The following ADGRV1 variants were observed in gnomAD, a reference collection of about 807,000 sequenced individuals.
The protein encoded by ADGRV1 is G-protein coupled receptor 98.
ADGRV1 carries 359 observed loss-of-function variants against 596.2 expected under a neutral mutation model. The ratio of observed to expected loss-of-function variants is 0.60; its 90% CI spans 0.55 to 0.66. The LOEUF is 0.66. Among genes scored for constraint, ADGRV1 ranks in the 30% least tolerant of loss-of-function variants. The probability of loss-of-function intolerance (pLI) is 0.00; values close to 1 mark genes in which losing one functional copy is unlikely to be tolerated. For synonymous variants in ADGRV1, 2,681 were observed against 2,679.2 expected, an observed-to-expected ratio of 1.00 and a Z score of -0.02; for missense variants, 7,274 against 7,575.6, an observed-to-expected ratio of 0.96 and a Z score of 1.48.
chr5:90,957,041 C>CA (rs1197158310), intron 83 of ADGRV1, among the ~76,000 whole-genome samples: 2 of 151,766 alleles, frequency 1.3e-5, no homozygotes, highest in Non-Finnish European at 2.9e-5. Flanking sequence ...GCTATGTGGG[C>CA]ACAAGGTAAT....
At chr5:90,794,801 G>T (rs1760487950) in intron 70 of ADGRV1, among the ~76,000 whole-genome samples, 1 of 152,162 alleles carries the variant, frequency 6.6e-6, no homozygotes, top group Non-Finnish European at 1.5e-5. Context: ...CACTGGGACT[G>T]GTTGGACAGT....
At chr5:90,874,741 T>C (rs781727430) in intron 83 of ADGRV1, among the ~76,000 whole-genome samples, 16 of 151,550 alleles carry the variant, frequency 1.1e-4, no homozygotes, top group Admixed American at 3.3e-4. Context: ...ACCTGTAGTC[T>C]CAGCTTCTCG....
At position 90,647,736 on chromosome 5, in the gene ADGRV1, C is replaced by T. The variant is rs567989881; in HGVS notation, c.3261C>T (p.Pro1087=). The T allele has an allele frequency of 7.4e-6, 12 of 1,613,378 alleles. No individual in the cohort carries two copies. In the East Asian group the frequency reaches 2.7e-4, roughly 36 times the overall value. The change falls in exon 17 of 90, where the codon CCC becomes CCT. Residue 1087 remains proline (P), a synonymous_variant. Transcript: ENST00000405460. ...ATGGTATCCCGGAAACAGATGAGCC[C>T]TTTTATATAATCCTCTTGAATTCAA... ...NEDGIPETDE[P]FYIILLNSTG...
At chr5:90,559,246 G>C (rs888467543) in intron 1 of ADGRV1, among the ~76,000 whole-genome samples, 2 of 152,166 alleles carry the variant, frequency 1.3e-5, no homozygotes, top group African/African-American at 4.8e-5. Context: ...TTTTCTGCCT[G>C]TTTGAAACCG....
intron 85 of ADGRV1, among the ~76,000 whole-genome samples, chr5:91,008,140 A>T (rs1782433762): frequency 6.6e-6 from 1 of 152,186 alleles, no homozygotes; most frequent in Non-Finnish European, 1.5e-5. Flanking sequence ...TTAGGTCATA[A>T]TATTTATAAA....
chr5:90,867,497 G>A (rs1274447719), intron 83 of ADGRV1, among the ~76,000 whole-genome samples: 1 of 152,090 alleles, frequency 6.6e-6, no homozygotes, highest in Non-Finnish European at 1.5e-5. Context: ...TGTTTCCCAG[G>A]GAGGATCCTA....
chr5:90,845,320 A>AGAAAGTGCT (rs1210890962), intron 78 of ADGRV1, among the ~76,000 whole-genome samples: 2 of 152,230 alleles, frequency 1.3e-5, no homozygotes, highest in African/African-American at 4.8e-5. Flanking sequence ...AGTAGTTGCT[A>AGAAAGTGCT]GAAAGTGCTG....
intron 83 of ADGRV1, among the ~76,000 whole-genome samples, chr5:90,887,125 C>T (rs1301553756): frequency 1.3e-5 from 2 of 152,108 alleles, no homozygotes; most frequent in Non-Finnish European, 2.9e-5. Context: ...CATAATATGG[C>T]TGTTAAGACT....
intron 87 of ADGRV1, among the ~76,000 whole-genome samples, chr5:91,112,258 T>C (rs1792437534): frequency 1.3e-5 from 2 of 152,236 alleles, no homozygotes. Context: ...TACCTTTTCA[T>C]ACCTGGCTCC....
In ADGRV1 at chr5:90,642,954, C is replaced by A; in HGVS notation, c.2466C>A (p.Phe822Leu). 6.2e-7 allele frequency: 1 copy of A among 1,613,522 alleles called. No homozygotes were observed. Among genetic ancestry groups the A allele is most frequent in the East Asian group, 2.2e-5 (1 of 44,872 alleles). ...TAGAGCCAAGAGATAGCAATGAATT[C>A]TATGGAAACACGGGAGTACTAGAAT... The part of the protein sequence containing the change: ...YRVEPRDSNE[F>L]YGNTGVLEFK... Residue 822 changes from phenylalanine to leucine, a missense_variant, in exon 13 of 90, where the codon TTC becomes TTA. Physicochemically the swap from Phe to Leu is conservative, Grantham distance 22. Transcript: ENST00000405460.
At chr5:90,800,881 A>G (rs942794133) in intron 70 of ADGRV1, among the ~76,000 whole-genome samples, 1 of 152,058 alleles carries the variant, frequency 6.6e-6, no homozygotes, top group African/African-American at 2.4e-5. Context: ...ATGAGAACTC[A>G]TGGACACAGG....
At chr5:90,971,343 C>A (rs1311920139) in intron 84 of ADGRV1, among the ~76,000 whole-genome samples, 1 of 152,154 alleles carries the variant, frequency 6.6e-6, no homozygotes, top group African/African-American at 2.4e-5. Flanking sequence ...TCAGGAAATA[C>A]AGAGAATGCC....
chr5:90,828,538 A>G lies in ADGRV1; in HGVS notation c.16369-406A>G, dbSNP rs551928458. 4.6e-5 allele frequency among the ~76,000 whole-genome samples: 7 copies of G among 152,262 alleles called. No individual in the cohort carries two copies. In the East Asian group the frequency reaches 1.4e-3, roughly 29 times the overall value. ...TTTATGGTATCATTCTATACATATC[A>G]TTATACAGCTTGATATTTTCACTTA... On this transcript the variant is annotated intron_variant, in intron 76 of 89. Transcript: ENST00000405460.
At chr5:91,096,732 G>T (rs1446255600) in intron 86 of ADGRV1, among the ~76,000 whole-genome samples, 2 of 151,892 alleles carry the variant, frequency 1.3e-5, no homozygotes, top group East Asian at 3.9e-4. Context: ...ACAAAATTTA[G>T]CATCTTAAAC....
At chr5:90,927,321 T>C (rs969757366) in intron 83 of ADGRV1, among the ~76,000 whole-genome samples, 3 of 151,522 alleles carry the variant, frequency 2.0e-5, no homozygotes, top group African/African-American at 7.3e-5. Flanking sequence ...GGTGCTCCTG[T>C]ATTGGGTGCA....
chr5:90,784,754 T>C (rs540399347), intron 67 of ADGRV1, among the ~76,000 whole-genome samples: 24 of 152,168 alleles, frequency 1.6e-4, no homozygotes, highest in Admixed American at 5.2e-4. Context: ...TGTCCATTGC[T>C]CAATGAAATA....
At chr5:90,574,574 T>C (rs1046501152) in intron 1 of ADGRV1, among the ~76,000 whole-genome samples, 7 of 152,172 alleles carry the variant, frequency 4.6e-5, no homozygotes, top group Non-Finnish European at 8.8e-5. Flanking sequence ...TTTCTAGATA[T>C]AGAATCATAT....
chr5:90,775,487 A>G (rs1435507752), intron 60 of ADGRV1, among the ~76,000 whole-genome samples: 1 of 152,026 alleles, frequency 6.6e-6, no homozygotes, highest in Non-Finnish European at 1.5e-5. Flanking sequence ...TATCAAAAAA[A>G]TTTTTTTGAG....
chr5:90,870,043 T>G (rs1768514605), intron 83 of ADGRV1, among the ~76,000 whole-genome samples: 1 of 152,222 alleles, frequency 6.6e-6, no homozygotes, highest in Non-Finnish European at 1.5e-5. Context: ...TGGAAAGGTT[T>G]AATAATTGGA....
Sources: allele counts gnomAD v4.1 joint callset (sites outside exome capture counted in the v4.1 genomes callset), GRCh38; gene constraint gnomAD v4.1.1; transcripts MANE v1.5; gene names NCBI Gene and HGNC (gene_info 2026-07-23, HGNC 2026-07-21).